The following PCDHA2 variants were observed in gnomAD, a reference collection of about 807,000 sequenced individuals.
The protein encoded by PCDHA2 is protocadherin alpha-2.
In PCDHA2, 58 loss-of-function variants were observed where a neutral mutation model predicts 66.0. The observed-to-expected ratio is 0.88, with a 90% CI of 0.71 to 1.09. The LOEUF is 1.09. Ranked by LOEUF, PCDHA2 falls within the 50% of genes least tolerant of loss-of-function variation. The pLI, the probability that PCDHA2 is intolerant of heterozygous loss-of-function variation, is 0.00. For synonymous variants in PCDHA2, 634 were observed against 554.0 expected (o/e 1.14, Z -2.03); for missense variants, 1,267 against 1,242.3 (o/e 1.02, Z -0.30).
At chr5:140,883,760 CG>C (rs1160842473) in intron 1 of PCDHA2, 1 of 1,612,672 alleles carries the variant, frequency 6.2e-7, no homozygotes, top group Non-Finnish European at 8.5e-7. Context: ...GGTGGAGCGG[CG>C]GGTGGGCGAG....
chr5:140,845,916 T>G (rs1288140729), intron 1 of PCDHA2, among the ~76,000 whole-genome samples: 2 of 149,722 alleles, frequency 1.3e-5, no homozygotes, highest in African/African-American at 4.9e-5. Context: ...ATTAATCTTA[T>G]TTTTGTGTAA....
intron 1 of PCDHA2, chr5:140,966,939 TG>T: frequency 1.2e-6 from 2 of 1,604,434 alleles, no homozygotes; most frequent in Non-Finnish European, 1.7e-6. Flanking sequence ...GGCGCGCTCG[TG>T]GGCAACGTGG....
In PCDHA2 at chr5:140,796,967, C is replaced by A. The variant is rs1329629372; in HGVS notation, c.2003C>A (p.Ser668Ter). 3.1e-6 allele frequency: 5 copies of A among 1,613,670 alleles called. No homozygotes were observed. Among genetic ancestry groups the A allele is most frequent in the Non-Finnish European group, 4.2e-6 (5 of 1,179,970 alleles). Reference protein sequence around the residue: ...ALTATATVLVSLVESGQAPKA... With the variant: ...ALTATATVLV ...ACAGCCACGGCCACCGTGTTAGTGT[C>A]GTTGGTGGAAAGTGGCCAGGCACCC... The change falls in exon 1 of 4, where the codon TCG (serine) becomes TAG (stop). Residue 668 changes from serine to a stop codon, truncating the protein, a stop_gained. Transcript: ENST00000526136. LOFTEE classifies it high-confidence loss of function.
intron 1 of PCDHA2, chr5:140,843,004 C>G (rs782142006): frequency 6.3e-7 from 1 of 1,595,032 alleles, no homozygotes; most frequent in Non-Finnish European, 8.6e-7. Flanking sequence ...AGAATGACAA[C>G]GCGCCGGCAC....
chr5:140,928,172 C>T (rs782267454), intron 1 of PCDHA2: 1 of 1,614,200 alleles, frequency 6.2e-7, no homozygotes, highest in South Asian at 1.1e-5. Flanking sequence ...CCACTTAGCA[C>T]CCGAAGGACA....
At chr5:140,801,059 T>A (rs1762631881) in intron 1 of PCDHA2, 13 of 1,450,906 alleles carry the variant, frequency 9.0e-6, no homozygotes, top group Non-Finnish European at 1.2e-5. Context: ...CAGCGTGCAT[T>A]ACGTATTCAG....
chr5:140,884,490 G>A (rs2060210547), intron 1 of PCDHA2: 1 of 1,614,064 alleles, frequency 6.2e-7, no homozygotes, highest in Non-Finnish European at 8.5e-7. Flanking sequence ...ACTCTAGTGT[G>A]CTCCAGCGCG....
chr5:140,882,637 G>A (rs540228460), intron 1 of PCDHA2: 1 of 1,614,234 alleles, frequency 6.2e-7, no homozygotes, highest in African/African-American at 1.3e-5. Flanking sequence ...AGGTGAAGGT[G>A]AGGGACATTA....
intron 1 of PCDHA2, chr5:140,868,939 G>T (rs2050745278): frequency 1.6e-6 from 2 of 1,242,994 alleles, no homozygotes; most frequent in African/African-American, 1.5e-5. Context: ...AGGTTGGTCT[G>T]AACAGTGAGG....
chr5:140,877,782 GGCCTTCAGCCCAA>G, intron 1 of PCDHA2: 1 of 1,614,154 alleles, frequency 6.2e-7, no homozygotes, highest in Non-Finnish European at 8.5e-7. Context: ...CGGACCTCAT[GGCCTTCAGCCCAA>G]GCCTTCAGCT....
intron 1 of PCDHA2, among the ~76,000 whole-genome samples, chr5:140,943,273 A>AG (rs1157586895): frequency 6.7e-6 from 1 of 150,362 alleles, no homozygotes; most frequent in Non-Finnish European, 1.5e-5. Flanking sequence ...AAAAAAAAAA[A>AG]AAAAGAAAGA....
chr5:140,957,826 G>A (rs1282608668), intron 1 of PCDHA2, among the ~76,000 whole-genome samples: 3 of 151,106 alleles, frequency 2.0e-5, no homozygotes, highest in East Asian at 3.9e-4. Flanking sequence ...TTAAGAGAAA[G>A]TGTTAATTGA....
At chr5:140,871,097 T>A in intron 1 of PCDHA2, 1 of 1,613,266 alleles carries the variant, frequency 6.2e-7, no homozygotes, top group Admixed American at 1.7e-5. Flanking sequence ...GCCACCGTGC[T>A]GGTGTCGTTG....
intron 1 of PCDHA2, among the ~76,000 whole-genome samples, chr5:140,840,437 GAAATAGAAACGTTAAATAA>G (rs1776700709): frequency 6.6e-6 from 1 of 151,948 alleles, no homozygotes; most frequent in Non-Finnish European, 1.5e-5. Context: ...TAAAGCCGTG[GAAATAGAAACGTTAAATAA>G]AAAGTTGGGG....
Position 140,820,128 on chromosome 5 carries a change from A to G in PCDHA2, c.2388+22776A>G, listed in dbSNP as rs191849856. ...TTTCTTATGTTTTTAACCATTGTGT[A>G]TTAAAATATTTCAAAATTATCAGTA... is the stretch of plus-strand genomic sequence containing the variant. On this transcript the variant is annotated intron_variant, in intron 1 of 3. Transcript: ENST00000526136. Among the ~76,000 whole-genome samples the G allele has an allele frequency of 3.5e-3, 530 of 152,088 alleles. 5 individuals are homozygous for G. Among genetic ancestry groups the G allele is most frequent in the African/African-American group, 0.012 (508 of 41,552 alleles).
At chr5:140,810,766 C>CT (rs1238310799) in intron 1 of PCDHA2, 4 of 151,908 alleles carry the variant, frequency 2.6e-5, no homozygotes, top group East Asian at 1.9e-4. Context: ...AACATAACTC[C>CT]TTTTTTTAGT....
rs1202247543 is a variant in PCDHA2, at chr5:140,858,682, T to A, written c.2388+61330T>A. On this transcript the variant is annotated intron_variant, in intron 1 of 3. Coordinates refer to ENST00000526136, the MANE Select transcript of PCDHA2 (RefSeq NM_018905.3). Reference sequence around the variant, plus strand: ...AAATAACAATTTATTCTGAATACACTAATATTTTCCAATACAAATATGTGA... The same window carrying A: ...AAATAACAATTTATTCTGAATACACAAATATTTTCCAATACAAATATGTGA... 35 of 617,258 alleles carry A rather than the reference T, an allele frequency of 5.7e-5. 1 individual carries two copies. The East Asian group carries it at 9.7e-4, about 17-fold the overall frequency. 38.2% of individuals were successfully genotyped at this position (617,258 alleles called of 1,614,324 possible).
rs1158255259 is a variant in PCDHA2, at chr5:140,838,075, ATAGTGTGTGTGTGTGTGTGT to A, written c.2388+40724_2388+40743del. 3.0e-3 allele frequency among the ~76,000 whole-genome samples: 387 copies of A among 128,240 alleles called. 6 individuals carry two copies. The highest frequency in any genetic ancestry group is 2.7e-3 in the South Asian group (10 of 3,754). 84.1% of individuals were successfully genotyped at this position (128,240 alleles called of 152,430 possible). A position where few individuals can be genotyped will look rare whatever the true frequency, so the allele number is the denominator to read the frequency against. ...GTTTTCCACTTTAAGTTATATATAT[ATAGTGTGTGTGTGTGTGTGT>A]GTGTGTGTGTGTGTGTGTGTGTGTG... On this transcript the variant is annotated intron_variant, in intron 1 of 3. Transcript: ENST00000526136.
At chr5:140,883,628 G>A (rs903824034) in intron 1 of PCDHA2, 1 of 1,613,884 alleles carries the variant, frequency 6.2e-7, no homozygotes, top group Admixed American at 1.7e-5. Context: ...CAACGCGCCG[G>A]CGTTCGCGCA....
Sources: allele counts gnomAD v4.1 joint callset (sites outside exome capture counted in the v4.1 genomes callset), GRCh38; gene constraint gnomAD v4.1.1; transcripts MANE v1.5; gene names NCBI Gene and HGNC (gene_info 2026-07-23, HGNC 2026-07-21).